The following DENND1B variants were observed in gnomAD, a reference collection of about 807,000 sequenced individuals.
DENND1B encodes the protein DENN domain-containing protein 1B.
DENND1B carries 59 observed loss-of-function variants against 90.1 expected under a neutral mutation model. The ratio of observed to expected loss-of-function variants is 0.65; its 90% confidence interval spans 0.53 to 0.81. DENND1B has a LOEUF of 0.81. Ranked by LOEUF, DENND1B falls within the 40% of genes least tolerant of loss-of-function variation. The pLI, the probability that DENND1B is intolerant of heterozygous loss-of-function variation, is 0.00. For missense variants in DENND1B, 862 were observed against 912.6 expected, an observed-to-expected ratio of 0.94 and a Z score of 0.71; for synonymous variants, 337 against 324.6, an observed-to-expected ratio of 1.04 and a Z score of -0.41.
At chr1:197,676,119 T>C (rs529533442) in intron 3 of DENND1B, among the ~76,000 whole-genome samples, 3 of 148,126 alleles carry the variant, frequency 2.0e-5, no homozygotes, top group South Asian at 4.3e-4. Context: ...CTTATGTCAG[T>C]GACAAAGCAG....
At chr1:197,641,707 T>C (rs758282591) in intron 10 of DENND1B, among the ~76,000 whole-genome samples, 18 of 152,174 alleles carry the variant, frequency 1.2e-4, no homozygotes, top group Admixed American at 3.3e-4. Flanking sequence ...AGACTCAATT[T>C]CACATTATCT....
chr1:197,595,121 A>G, intron 14 of DENND1B, 87 bp downstream of exon 14: 1 of 1,441,966 alleles, frequency 6.9e-7, no homozygotes, highest in Non-Finnish European at 9.2e-7. Context: ...TGAAGGTGTA[A>G]TATTAAAATG....
At chr1:197,627,767 T>C (rs1455371614) in intron 10 of DENND1B, among the ~76,000 whole-genome samples, 1 of 152,158 alleles carries the variant, frequency 6.6e-6, no homozygotes. Flanking sequence ...CATTATTGTA[T>C]ATATAGAAAA....
chr1:197,715,794 C>A (rs1040766289), intron 2 of DENND1B, among the ~76,000 whole-genome samples: 1 of 151,770 alleles, frequency 6.6e-6, no homozygotes, highest in Non-Finnish European at 1.5e-5. Context: ...CTACTTAGCA[C>A]ACTAAAATGC....
chr1:197,746,848 C>T, intron 2 of DENND1B: 1 of 1,611,990 alleles, frequency 6.2e-7, no homozygotes, highest in South Asian at 1.1e-5. Context: ...AATTTTCAAC[C>T]TCCTTTTTGG....
At chr1:197,735,004 G>GA in intron 2 of DENND1B, 1 of 985,766 alleles carries the variant, frequency 1.0e-6, no homozygotes, top group Non-Finnish European at 1.2e-6. Flanking sequence ...AGAACTGGCA[G>GA]AAAATGTTAA....
At chr1:197,735,886 G>A in intron 2 of DENND1B, 1 of 1,544,248 alleles carries the variant, frequency 6.5e-7, no homozygotes, top group South Asian at 1.1e-5. Context: ...GCTATTACAG[G>A]TGCCTCTCCT....
chr1:197,507,514 T>C lies in DENND1B; in HGVS notation c.*2946A>G, dbSNP rs1023053808. ...CCCCTGAAATACCACGGATGCAATATCTAAGGGTAAAAAGAAAAAAGTGAG... is the reference window on the plus strand; with the variant it reads ...CCCCTGAAATACCACGGATGCAATACCTAAGGGTAAAAAGAAAAAAGTGAG... On this transcript the variant is annotated 3_prime_UTR_variant, in exon 23 of 23. Transcript: ENST00000620048. 2 of 151,368 alleles carry C rather than the reference T, an allele frequency of 1.3e-5. No homozygotes were observed. Among genetic ancestry groups the C allele is most frequent in the African/African-American group, 4.8e-5 (2 of 41,294 alleles). 9.4% of individuals were successfully genotyped at this position (151,368 alleles called of 1,614,324 possible). A position where few individuals can be genotyped will look rare whatever the true frequency, so the allele number is the denominator to read the frequency against.
At chr1:197,558,736 C>T (rs1001598223) in intron 15 of DENND1B, among the ~76,000 whole-genome samples, 6 of 151,814 alleles carry the variant, frequency 4.0e-5, no homozygotes, top group Admixed American at 6.6e-5. Context: ...TCTGGCTCTT[C>T]TTTTTGATAT....
intron 20 of DENND1B, among the ~76,000 whole-genome samples, chr1:197,518,600 TAGC>T (rs1668562578): frequency 6.6e-6 from 1 of 151,886 alleles, no homozygotes; most frequent in Non-Finnish European, 1.5e-5. Context: ...AGATAGCAAA[TAGC>T]AGAGACTATA....
At position 197,545,371 on chromosome 1, in the gene DENND1B, C is replaced by T. The variant is rs185405792; in HGVS notation, c.1350+551G>A. Among the ~76,000 whole-genome samples the T allele has an allele frequency of 1.2e-4, 18 of 152,100 alleles. No homozygotes were observed. The East Asian group carries it at 3.5e-3, about 30-fold the overall frequency. ...AGTGAGCCGAGATCGTGCCACTGCA[C>T]TCCAGCCTGGGTGACAGAGCGAGAC... On this transcript the variant is annotated intron_variant, in intron 18 of 22. Transcript: ENST00000620048.
At chr1:197,569,795 T>C (rs924395943) in intron 15 of DENND1B, among the ~76,000 whole-genome samples, 3 of 151,998 alleles carry the variant, frequency 2.0e-5, no homozygotes, top group African/African-American at 7.3e-5. Flanking sequence ...GCAGACAAAA[T>C]TTTAATTAGA....
At chr1:197,759,490 A>G (rs1385992285) in intron 2 of DENND1B, among the ~76,000 whole-genome samples, 5 of 151,582 alleles carry the variant, frequency 3.3e-5, no homozygotes, top group Non-Finnish European at 7.4e-5. Flanking sequence ...TTCCAAAATG[A>G]AAGTATCTGC....
At chr1:197,574,521 G>T (rs1290710198) in intron 15 of DENND1B, among the ~76,000 whole-genome samples, 1 of 152,086 alleles carries the variant, frequency 6.6e-6, no homozygotes, top group Non-Finnish European at 1.5e-5. Context: ...ACTGCCCAAG[G>T]TAATTTATAG....
chr1:197,696,061 C>T (rs767922479), intron 3 of DENND1B, among the ~76,000 whole-genome samples: 1 of 151,088 alleles, frequency 6.6e-6, no homozygotes, highest in Non-Finnish European at 1.5e-5. Context: ...AATAATGACC[C>T]ATCCTTTTTA....
intron 14 of DENND1B, among the ~76,000 whole-genome samples, chr1:197,587,854 T>C (rs1215833109): frequency 6.6e-6 from 1 of 152,142 alleles, no homozygotes; most frequent in African/African-American, 2.4e-5. Context: ...TGAGCTTGTT[T>C]TCTTGCAACT....
In DENND1B at chr1:197,545,028, GAGGAGA is replaced by G. The variant is rs74211600; in HGVS notation, c.1350+888_1350+893del. On this transcript the variant is annotated intron_variant, in intron 18 of 22. Coordinates refer to ENST00000620048, the MANE Select transcript of DENND1B (RefSeq NM_001195215.2). ...ACGACGACGACGACGACGAAAGAAG[GAGGAGA>G]AGGAGAAGGAGAAGGAGAAGAAGAA... Among the ~76,000 whole-genome samples the G allele has an allele frequency of 1.1e-3, 125 of 109,234 alleles. 1 individual carries two copies. The East Asian group carries it at 0.022, about 20-fold the overall frequency. The allele number at this position is 109,234 out of a possible 152,430, so 71.7% of individuals were successfully genotyped here.
chr1:197,755,305 G>A (rs112205399), intron 2 of DENND1B, among the ~76,000 whole-genome samples: 108 of 152,166 alleles, frequency 7.1e-4, no homozygotes, highest in African/African-American at 2.5e-3. Flanking sequence ...AGATAGGTAT[G>A]AGAATCAAAT....
Position 197,754,302 on chromosome 1 carries a change from C to T in DENND1B, c.82+18566G>A, listed in dbSNP as rs1653972709. ...ATATCAAAAGTCCAACAATGATACT[C>T]AAGAACTTATTTGAAGTAGATAATA... On this transcript the variant is annotated intron_variant, in intron 2 of 22. Coordinates refer to ENST00000620048, the MANE Select transcript of DENND1B (RefSeq NM_001195215.2). 2.0e-5 allele frequency among the ~76,000 whole-genome samples: 3 copies of T among 152,222 alleles called. No individual in the cohort carries two copies. The South Asian group carries it at 6.2e-4, about 32-fold the overall frequency.
Sources: allele counts gnomAD v4.1 joint callset (sites outside exome capture counted in the v4.1 genomes callset), GRCh38; gene constraint gnomAD v4.1.1; transcripts MANE v1.5; gene names NCBI Gene and HGNC (gene_info 2026-07-23, HGNC 2026-07-21).